CRADD: variants seen among roughly 807,000 people sequenced by gnomAD.
The protein encoded by CRADD is death domain-containing protein CRADD.
Under a neutral mutation model 15.5 loss-of-function variants are expected in CRADD, and 9 were observed. The observed-to-expected ratio is 0.58, with a 90% CI of 0.35 to 1.01. The LOEUF is 1.01. Ranked by LOEUF, CRADD falls within the 50% of genes least tolerant of loss-of-function variation. The pLI, the probability that CRADD is intolerant of heterozygous loss-of-function variation, is 0.02. For synonymous variants in CRADD, 118 were observed against 107.6 expected (o/e 1.10, Z -0.60); for missense variants, 227 against 250.3 (o/e 0.91, Z 0.63).
chr12:93,891,984 A>G (rs1592643566), intron 2 of CRADD, among the ~76,000 whole-genome samples: 1 of 152,228 alleles, frequency 6.6e-6, no homozygotes, highest in African/African-American at 2.4e-5. Flanking sequence ...TGGTTTATCA[A>G]ATGCTCCCAT....
At chr12:93,679,127 T>C in intron 2 of CRADD, 55 bp downstream of exon 2, 1 of 1,375,002 alleles carries the variant, frequency 7.3e-7, no homozygotes, top group South Asian at 1.3e-5. Flanking sequence ...AACTATGCTC[T>C]TTGCTTTTTT....
At chr12:93,828,488 G>A (rs1957851857) in intron 2 of CRADD, among the ~76,000 whole-genome samples, 1 of 152,214 alleles carries the variant, frequency 6.6e-6, no homozygotes, top group Admixed American at 6.5e-5. Context: ...TTTTGTGTAT[G>A]ATATGGGGTA....
intron 2 of CRADD, among the ~76,000 whole-genome samples, chr12:93,749,648 A>C (rs537706874): frequency 6.6e-6 from 1 of 152,258 alleles, no homozygotes; most frequent in African/African-American, 2.4e-5. Flanking sequence ...TAATTAAAGA[A>C]TATGTGAGCA....
At chr12:93,770,514 C>T (rs1333788201) in intron 2 of CRADD, among the ~76,000 whole-genome samples, 3 of 152,180 alleles carry the variant, frequency 2.0e-5, no homozygotes, top group Admixed American at 6.5e-5. Flanking sequence ...TCATTTTATG[C>T]TACATTAATA....
At chr12:93,788,279 C>T (rs776881733) in intron 2 of CRADD, among the ~76,000 whole-genome samples, 20 of 152,146 alleles carry the variant, frequency 1.3e-4, no homozygotes, top group Non-Finnish European at 1.9e-4. Context: ...AGGGAGAAAC[C>T]TCTTATAAAA....
At chr12:93,799,211 A>G (rs572770671) in intron 2 of CRADD, among the ~76,000 whole-genome samples, 1 of 152,338 alleles carries the variant, frequency 6.6e-6, no homozygotes, top group South Asian at 2.1e-4. Context: ...ATTAACTAAA[A>G]CAACGAATGT....
chr12:93,867,405 T>TATATATATATATATATATATATATATACA (rs1207739624), intron 2 of CRADD, among the ~76,000 whole-genome samples: 1 of 102,072 alleles, frequency 9.8e-6, no homozygotes, highest in Non-Finnish European at 2.3e-5. Flanking sequence ...ATATATATAT[T>TATATATATATATATATATATATATATACA]TTTTAAACTT....
At chr12:93,863,225 T>C (rs570973617) in intron 2 of CRADD, among the ~76,000 whole-genome samples, 3 of 151,340 alleles carry the variant, frequency 2.0e-5, no homozygotes, top group East Asian at 1.9e-4. Context: ...AGGTGGCACC[T>C]GTAAGACAAG....
intron 2 of CRADD, among the ~76,000 whole-genome samples, chr12:93,867,925 A>C (rs1339358274): frequency 1.3e-5 from 2 of 152,234 alleles, no homozygotes; most frequent in Non-Finnish European, 2.9e-5. Flanking sequence ...CAGAATCAAG[A>C]TTAAGAACAG....
At chr12:93,786,289 C>G (rs891165072) in intron 2 of CRADD, among the ~76,000 whole-genome samples, 5 of 152,188 alleles carry the variant, frequency 3.3e-5, no homozygotes, top group Non-Finnish European at 5.9e-5. Flanking sequence ...TAAATTTGAA[C>G]CTTAGCTCTG....
chr12:93,739,904 C>T (rs1281404251), intron 2 of CRADD, among the ~76,000 whole-genome samples: 1 of 152,160 alleles, frequency 6.6e-6, no homozygotes, highest in Non-Finnish European at 1.5e-5. Context: ...TTTTCCTCCT[C>T]ATTACCAATC....
chr12:93,784,676 C>T (rs868723609), intron 2 of CRADD, among the ~76,000 whole-genome samples: 1 of 152,022 alleles, frequency 6.6e-6, no homozygotes, highest in Non-Finnish European at 1.5e-5. Flanking sequence ...ATAAAGCACA[C>T]GTGGCAAATC....
intron 2 of CRADD, among the ~76,000 whole-genome samples, chr12:93,737,040 A>G (rs963749429): frequency 2.0e-5 from 3 of 152,262 alleles, no homozygotes; most frequent in African/African-American, 7.2e-5. Flanking sequence ...AGAGAAATGT[A>G]CAAGGGGTAG....
At chr12:93,860,135 G>GA (rs11393339) in intron 2 of CRADD, among the ~76,000 whole-genome samples, 107,958 of 147,982 alleles carry the variant, frequency 0.73, 39,196 homozygotes, top group Middle Eastern at 0.82. Flanking sequence ...ACGCAAATTT[G>GA]AAAAAAAAAA....
At chr12:93,803,652 A>ACTCTTGTTGCTCAG (rs1298385285) in intron 2 of CRADD, among the ~76,000 whole-genome samples, 2 of 151,634 alleles carry the variant, frequency 1.3e-5, no homozygotes, top group Admixed American at 1.3e-4. Flanking sequence ...AATTACTTCC[A>ACTCTTGTTGCTCAG]GCTGAAATGG....
chr12:93,820,465 CG>C (rs781207410), intron 2 of CRADD, among the ~76,000 whole-genome samples: 28 of 151,596 alleles, frequency 1.8e-4, no homozygotes, highest in Non-Finnish European at 3.5e-4. Context: ...AGGAGAATGG[CG>C]TGAACTCAGA....
At chr12:93,765,651 C>T (rs989507530) in intron 2 of CRADD, among the ~76,000 whole-genome samples, 8 of 152,168 alleles carry the variant, frequency 5.3e-5, no homozygotes, top group African/African-American at 9.7e-5. Context: ...AAGCACAACT[C>T]CAGTCACACC....
At chr12:93,798,427 G>A (rs964882132) in intron 2 of CRADD, among the ~76,000 whole-genome samples, 4 of 152,084 alleles carry the variant, frequency 2.6e-5, no homozygotes, top group African/African-American at 9.7e-5. Flanking sequence ...AGTCACTCTT[G>A]TAAGAATTTT....
At chr12:93,690,969 G>T (rs1257378588) in intron 2 of CRADD, among the ~76,000 whole-genome samples, 1 of 152,142 alleles carries the variant, frequency 6.6e-6, no homozygotes, top group South Asian at 2.1e-4. Context: ...AAATACAAAA[G>T]AAAATGAAAG....
Sources: gnomAD v4.1 joint callset for allele counts (sites outside exome capture counted in the v4.1 genomes callset) on GRCh38, gnomAD v4.1.1 for gene constraint, MANE v1.5 for transcripts, NCBI Gene and HGNC (gene_info 2026-07-23, HGNC 2026-07-21) for gene names.